The following ROBO1 variants were observed in gnomAD, a reference collection of about 807,000 sequenced individuals.
ROBO1 encodes roundabout homolog 1.
In ROBO1, 149 loss-of-function variants were observed where a neutral mutation model predicts 195.9. The observed-to-expected ratio is 0.76, with a 90% confidence interval of 0.67 to 0.87. The LOEUF (loss-of-function observed/expected upper bound fraction) is 0.87. ROBO1 is among the 40% of genes least tolerant of loss of function. The pLI, the probability that ROBO1 is intolerant of heterozygous loss-of-function variation, is 0.00. For synonymous variants in ROBO1, 816 were observed against 733.2 expected (o/e 1.11, Z -1.82); for missense variants, 1,933 against 2,068.3 (o/e 0.93, Z 1.27).
rs142155449 is a variant in ROBO1 at position 78,905,587 on chromosome 3, A to G, written c.499+33014T>C. Among the ~76,000 whole-genome samples, 55 of 152,194 alleles carry G rather than the reference A, an allele frequency of 3.6e-4. No individual in the cohort carries two copies. The East Asian group carries it at 9.5e-3, about 26-fold the overall frequency. The stretch of plus-strand genomic sequence containing the variant: ...TGAGCTGTGATAGTGCCATTGTACT[A>G]CAGTTTGGATGACAGAGCAAGACAA... On this transcript the variant is annotated intron_variant, in intron 4 of 30. Transcript: ENST00000464233.
chr3:78,876,999 G>A (rs560571513), intron 4 of ROBO1, among the ~76,000 whole-genome samples: 5 of 152,046 alleles, frequency 3.3e-5, no homozygotes, highest in African/African-American at 1.2e-4. Flanking sequence ...TGGTGTCTAC[G>A]ACAATCTCTG....
intron 1 of ROBO1, among the ~76,000 whole-genome samples, chr3:79,603,235 C>T (rs1335730054): frequency 6.6e-6 from 1 of 150,876 alleles, no homozygotes; most frequent in African/African-American, 2.5e-5. Context: ...ATGAGGTCTA[C>T]TATCAAAACA....
rs192305632 is a variant in ROBO1, at chr3:79,094,469, G to C, written c.172+30987C>G. ...TATGCAAACAGAAAAGGACCTCCAG[G>C]TCTCATCTTTTTCACTGCACATGGC... is the stretch of plus-strand genomic sequence containing the variant. On this transcript the variant is annotated intron_variant, in intron 3 of 30. Coordinates refer to ENST00000464233, the MANE Select transcript of ROBO1 (RefSeq NM_002941.4). Among the ~76,000 whole-genome samples the C allele has an allele frequency of 1.3e-3, 200 of 152,150 alleles. 1 individual carries two copies. The highest frequency in any genetic ancestry group is 3.4e-3 in the Middle Eastern group (1 of 294).
chr3:79,766,029 T>G (rs570458600), intron 1 of ROBO1, among the ~76,000 whole-genome samples: 1 of 151,894 alleles, frequency 6.6e-6, no homozygotes, highest in African/African-American at 2.4e-5. Context: ...CGTGAAAGGG[T>G]GGGAGGTGCT....
chr3:79,142,215 A>G (rs2080542904), intron 2 of ROBO1, among the ~76,000 whole-genome samples: 1 of 152,202 alleles, frequency 6.6e-6, no homozygotes, highest in Admixed American at 6.5e-5. Flanking sequence ...CTTAAAAGAT[A>G]TTAGGCTATT....
chr3:78,651,603 C>A, intron 19 of ROBO1, 129 bp downstream of exon 19: 2 of 654,330 alleles, frequency 3.1e-6, no homozygotes, highest in East Asian at 3.1e-5. Flanking sequence ...AATAAACGCA[C>A]TTTTGAAAAT....
chr3:78,746,702 T>G (rs762570929), intron 5 of ROBO1, 41 bp downstream of exon 5: 1 of 1,385,846 alleles, frequency 7.2e-7, no homozygotes, highest in East Asian at 2.5e-5. Context: ...TACACACAGT[T>G]AGACCAACAA....
intron 4 of ROBO1, among the ~76,000 whole-genome samples, chr3:78,903,550 T>TAC (rs146975185): frequency 0.075 from 10,695 of 143,324 alleles, 576 homozygotes; most frequent in African/African-American, 0.16. Flanking sequence ...ATAAAAGAAG[T>TAC]ACACACACAC....
intron 2 of ROBO1, among the ~76,000 whole-genome samples, chr3:79,588,013 G>A (rs558798404): frequency 6.6e-6 from 1 of 151,772 alleles, no homozygotes; most frequent in South Asian, 2.1e-4. Context: ...TCCCATTTGA[G>A]GTTACCCTTA....
chr3:79,328,130 A>G (rs2034289586), intron 2 of ROBO1, among the ~76,000 whole-genome samples: 1 of 152,192 alleles, frequency 6.6e-6, no homozygotes, highest in African/African-American at 2.4e-5. Context: ...CATTAGGACA[A>G]TTCTTTTTTA....
chr3:78,895,287 A>G (rs1163695226), intron 4 of ROBO1, among the ~76,000 whole-genome samples: 1 of 152,204 alleles, frequency 6.6e-6, no homozygotes, highest in East Asian at 1.9e-4. Flanking sequence ...CAGAAGCTTT[A>G]AACATAAATA....
Position 79,171,413 on chromosome 3 carries a change from C to CAAAAAAAAAAAA in ROBO1, c.89-45886_89-45875dup, listed in dbSNP as rs34894151. 2.6e-4 allele frequency among the ~76,000 whole-genome samples: 17 copies of CAAAAAAAAAAAA among 65,848 alleles called. 2 individuals carry two copies. The highest frequency in any genetic ancestry group is 3.0e-4 in the Non-Finnish European group (9 of 30,084). 43.2% of individuals were successfully genotyped at this position (65,848 alleles called of 152,430 possible). ...GCAAGTATATATGCCATGAAAATTG[C>CAAAAAAAAAAAA]AAAAAAAAAAAAAAAAAAGCCATAA... On this transcript the variant is annotated intron_variant, in intron 2 of 30. Coordinates refer to ENST00000464233, the MANE Select transcript of ROBO1 (RefSeq NM_002941.4).
chr3:78,889,884 T>C (rs1436471561), intron 4 of ROBO1, among the ~76,000 whole-genome samples: 1 of 151,954 alleles, frequency 6.6e-6, no homozygotes, highest in Non-Finnish European at 1.5e-5. Context: ...ACTAAGACAA[T>C]ACTCGCCGTT....
chr3:78,714,493 T>C lies in ROBO1; in HGVS notation c.949A>G (p.Ile317Val). 1 of 1,612,414 alleles carries C rather than the reference T, an allele frequency of 6.2e-7. No homozygotes were observed. The highest frequency in any genetic ancestry group is 1.1e-5 in the South Asian group (1 of 90,682). ...ATGTCACCAGCTGTCACCTTCCTAA[T>C]TTTCAAGGTATGATCATCTCGGATT... ...YEIRDDHTLK[I>V]RKVTAGDMGS... is the part of the protein sequence containing the mutation. The change falls in exon 8 of 31, where the codon ATT (isoleucine) becomes GTT (valine). Residue 317 changes from isoleucine to valine, a missense_variant. Transcript: ENST00000464233.
intron 3 of ROBO1, among the ~76,000 whole-genome samples, chr3:79,108,074 C>T (rs2079817664): frequency 6.6e-6 from 1 of 151,648 alleles, no homozygotes; most frequent in Admixed American, 6.6e-5. Context: ...TAATGTTTTG[C>T]TTTTAATTGA....
chr3:78,943,583 C>G (rs1223564170), intron 3 of ROBO1, among the ~76,000 whole-genome samples: 1 of 152,168 alleles, frequency 6.6e-6, no homozygotes, highest in Non-Finnish European at 1.5e-5. Flanking sequence ...AGTTGCAGTT[C>G]TCAGGGTGAT....
chr3:78,900,790 A>T (rs917275752), intron 4 of ROBO1, among the ~76,000 whole-genome samples: 1 of 152,166 alleles, frequency 6.6e-6, no homozygotes, highest in African/African-American at 2.4e-5. Context: ...ATGTTAACCA[A>T]TTTCCAATAT....
chr3:78,974,402 C>T (rs1288709305), intron 3 of ROBO1, among the ~76,000 whole-genome samples: 1 of 152,112 alleles, frequency 6.6e-6, no homozygotes, highest in East Asian at 1.9e-4. Context: ...CGAATCAAAA[C>T]TCATGGTAGC....
intron 1 of ROBO1, among the ~76,000 whole-genome samples, chr3:79,648,349 A>G (rs6548640): frequency 0.55 from 83,433 of 151,746 alleles, 23,146 homozygotes; most frequent in South Asian, 0.67. Flanking sequence ...ACCGTTGGGA[A>G]TCAAGCACAA....
Sources: allele counts gnomAD v4.1 joint callset (sites outside exome capture counted in the v4.1 genomes callset), GRCh38; gene constraint gnomAD v4.1.1; transcripts MANE v1.5; gene names NCBI Gene and HGNC (gene_info 2026-07-23, HGNC 2026-07-21).